Variants in SERPINA5 observed in about 807,000 individuals in gnomAD.
The protein encoded by SERPINA5 is plasma serine protease inhibitor.
A neutral mutation model predicts 25.3 loss-of-function variants in SERPINA5; 25 were observed. The observed-to-expected ratio is 0.99, with a 90% CI of 0.72 to 1.38. The LOEUF (loss-of-function observed/expected upper bound fraction) is 1.38. SERPINA5 is among the 40% of genes most tolerant of loss of function. SERPINA5 has a pLI of 0.00. For synonymous variants in SERPINA5, 234 were observed against 206.2 expected, an observed-to-expected ratio of 1.14 and a Z score of -1.16; for missense variants, 599 against 509.5, an observed-to-expected ratio of 1.18 and a Z score of -1.69.
rs1885326012 is a variant in SERPINA5 at position 94,592,118 on chromosome 14, G to A, written c.1100G>A (p.Gly367Glu). The change falls in exon 6 of 6, where the codon GGG becomes GAG. Residue 367 changes from glycine (G) to glutamate (E), a missense_variant. Coordinates refer to ENST00000329597, the MANE Select transcript of SERPINA5 (RefSeq NM_000624.6). ...GGAACCAGAGCAGCGGCAGCCACGG[G>A]GACAATATTCACTTTCAGGTCGGCC... ...ESGTRAAAAT[G>E]TIFTFRSARL... is the part of the protein sequence containing the mutation. 1 of 1,614,122 alleles carries A rather than the reference G, an allele frequency of 6.2e-7. No homozygotes were observed. Among genetic ancestry groups the A allele is most frequent in the African/African-American group, 1.3e-5 (1 of 75,046 alleles).
At chr14:94,590,013 T>A in intron 3 of SERPINA5, 28 bp from the exon 4 acceptor site, 1 of 1,553,818 alleles carries the variant, frequency 6.4e-7, no homozygotes, top group Non-Finnish European at 8.7e-7. Context: ...CAAAATTCTT[T>A]TTCATTTTTC....
intron 2 of SERPINA5, among the ~76,000 whole-genome samples, chr14:94,585,941 A>G (rs1220387642): frequency 6.6e-6 from 1 of 152,098 alleles, no homozygotes; most frequent in East Asian, 1.9e-4. Flanking sequence ...TGTTATTATC[A>G]CTATCTTACA....
chr14:94,591,948 G>A (rs1378558928), intron 5 of SERPINA5, 109 bp from the exon 6 acceptor site: 1 of 1,245,438 alleles, frequency 8.0e-7, no homozygotes, highest in Non-Finnish European at 1.1e-6. Context: ...CCATGGCTCA[G>A]TTGAACAGAT....
intron 2 of SERPINA5, among the ~76,000 whole-genome samples, chr14:94,583,901 T>C (rs1304294500): frequency 1.3e-5 from 2 of 152,204 alleles, no homozygotes; most frequent in African/African-American, 2.4e-5. Context: ...CAAAGCCATG[T>C]ATTTCCACCA....
At chr14:94,584,328 T>C (rs10143409) in intron 2 of SERPINA5, among the ~76,000 whole-genome samples, 45,250 of 152,160 alleles carry the variant, frequency 0.3, 6,967 homozygotes, top group South Asian at 0.34. Flanking sequence ...TGGTGAAGGT[T>C]AAACATAGTA....
chr14:94,587,975 T>C lies in SERPINA5; in HGVS notation c.613T>C (p.Phe205Leu). The C allele has an allele frequency of 1.2e-6, 2 of 1,613,216 alleles. No individual in the cohort carries two copies. Among genetic ancestry groups the C allele is most frequent in the Non-Finnish European group, 1.7e-6 (2 of 1,179,338 alleles). Residue 205 changes from phenylalanine (F) to leucine (L), a missense_variant, in exon 3 of 6, where the codon TTT becomes CTT. By Grantham distance (22) the Phe-to-Leu change is conservative (BLOSUM62 0). Transcript: ENST00000329597. Reference protein sequence around the residue: ...AVVIMVNYIFFKAKWETSFNH... With the variant: ...AVVIMVNYIFLKAKWETSFNH... Reference sequence around the variant, plus strand: ...CGTGATCATGGTGAATTACATCTTCTTTAAAGGTAAGGCCCTTGGGCCCAA... The same window carrying C: ...CGTGATCATGGTGAATTACATCTTCCTTAAAGGTAAGGCCCTTGGGCCCAA...
chr14:94,590,591 G>A, intron 4 of SERPINA5, 158 bp from the exon 5 acceptor site: 1 of 899,610 alleles, frequency 1.1e-6, no homozygotes, highest in Non-Finnish European at 1.6e-6. Context: ...TCCTAGAAAA[G>A]AGGCCAGAGG....
At chr14:94,591,559 A>G (rs1161615574) in intron 5 of SERPINA5, among the ~76,000 whole-genome samples, 4 of 136,356 alleles carry the variant, frequency 2.9e-5, no homozygotes, top group Admixed American at 7.4e-5. Flanking sequence ...GTTCTATTCT[A>G]TTCTATTCTA....
chr14:94,583,882 T>A (rs1229583909), intron 2 of SERPINA5, among the ~76,000 whole-genome samples: 1 of 152,222 alleles, frequency 6.6e-6, no homozygotes, highest in Non-Finnish European at 1.5e-5. Flanking sequence ...GGGCTTCACC[T>A]GTCTCTGTCA....
Position 94,592,569 on chromosome 14 carries a change from C to A in SERPINA5, c.*330C>A. 1 of 232,752 alleles carries A rather than the reference C, an allele frequency of 4.3e-6. No individual in the cohort carries two copies. The allele number at this position is 232,752 out of a possible 1,614,324, so 14.4% of individuals were successfully genotyped here. On this transcript the variant is annotated 3_prime_UTR_variant, in exon 6 of 6. Transcript: ENST00000329597. ...CAGAGTCCTGGCCCTTGATGCCCAGCTCAGTGCCACAAAGCTCAATAGGAG... is the reference window on the plus strand; with the variant it reads ...CAGAGTCCTGGCCCTTGATGCCCAGATCAGTGCCACAAAGCTCAATAGGAG...
chr14:94,585,237 G>A (rs1343598855), intron 2 of SERPINA5, among the ~76,000 whole-genome samples: 2 of 152,168 alleles, frequency 1.3e-5, no homozygotes, highest in African/African-American at 4.8e-5. Context: ...ACCTTTTTGG[G>A]TGGTGCAGGG....
intron 2 of SERPINA5, among the ~76,000 whole-genome samples, chr14:94,585,107 A>T (rs891248822): frequency 1.3e-5 from 2 of 151,998 alleles, no homozygotes; most frequent in Non-Finnish European, 2.9e-5. Context: ...AGGAGGCAGG[A>T]CTCTGCAGAG....
chr14:94,585,796 T>TGTGTGTGTGTGTGTGC (rs1301524878), intron 2 of SERPINA5, among the ~76,000 whole-genome samples: 8 of 132,580 alleles, frequency 6.0e-5, no homozygotes, highest in Non-Finnish European at 1.2e-4. Flanking sequence ...TGTGTGTGTG[T>TGTGTGTGTGTGTGTGC]GTGTGTGTAA....
At chr14:94,589,876 A>G (rs537692181) in intron 3 of SERPINA5, among the ~76,000 whole-genome samples, 165 bp from the exon 4 acceptor site, 79 of 152,286 alleles carry the variant, frequency 5.2e-4, no homozygotes, top group Non-Finnish European at 8.8e-4. Context: ...TGTTATAAAG[A>G]GACTTGCCTT....
chr14:94,587,128 T>C, intron 2 of SERPINA5: 1 of 508,596 alleles, frequency 2.0e-6, no homozygotes. Context: ...GGTCTGCACC[T>C]CCTCTCCCTC....
At position 94,592,173 on chromosome 14, in the gene SERPINA5, C is replaced by A. The variant is rs772723912; in HGVS notation, c.1155C>A (p.Asn385Lys). 6.8e-6 allele frequency: 11 copies of A among 1,614,088 alleles called. No homozygotes were observed. The African/African-American group carries it at 1.5e-4, about 22-fold the overall frequency. Reference protein sequence around the residue: ...ARLNSQRLVFNRPFLMFIVDN... With the variant: ...ARLNSQRLVFKRPFLMFIVDN... The stretch of plus-strand genomic sequence containing the variant: ...TGAACTCTCAGAGGCTAGTGTTCAA[C>A]AGGCCCTTTCTGATGTTCATTGTGG... Residue 385 changes from asparagine (N) to lysine (K), a missense_variant, in exon 6 of 6, where the codon AAC becomes AAA. By Grantham distance (94) the Asn-to-Lys change is moderately conservative (BLOSUM62 0). Transcript: ENST00000329597.
chr14:94,588,497 C>T (rs909898360), intron 3 of SERPINA5, among the ~76,000 whole-genome samples: 2 of 152,130 alleles, frequency 1.3e-5, no homozygotes, highest in South Asian at 2.1e-4. Context: ...CTTATCTCCC[C>T]GACACTCCTT....
At chr14:94,588,304 C>T (rs1032025884) in intron 3 of SERPINA5, among the ~76,000 whole-genome samples, 8 of 152,254 alleles carry the variant, frequency 5.3e-5, no homozygotes, top group Non-Finnish European at 1.2e-4. Flanking sequence ...ATGGCAAAGA[C>T]ACCAACACCT....
At chr14:94,584,148 C>T (rs1885000766) in intron 2 of SERPINA5, among the ~76,000 whole-genome samples, 1 of 152,148 alleles carries the variant, frequency 6.6e-6, no homozygotes, top group African/African-American at 2.4e-5. Flanking sequence ...CTCCTCAGAG[C>T]CACTCAGAGA....
Sources: gnomAD v4.1 joint callset for allele counts (sites outside exome capture counted in the v4.1 genomes callset) on GRCh38, gnomAD v4.1.1 for gene constraint, MANE v1.5 for transcripts, NCBI Gene and HGNC (gene_info 2026-07-23, HGNC 2026-07-21) for gene names.